The following NOL4L variants were observed in gnomAD, a reference collection of about 807,000 sequenced individuals.
NOL4L encodes nucleolar protein 4-like.
Under a neutral mutation model 64.5 loss-of-function variants are expected in NOL4L, and 7 were observed. The observed-to-expected ratio is 0.11, with a 90% CI of 0.06 to 0.20. NOL4L has a LOEUF of 0.20. Among genes scored for constraint, NOL4L ranks in the 10% least tolerant of loss-of-function variants. The pLI, the probability that NOL4L is intolerant of heterozygous loss-of-function variation, is 1.00. For missense variants in NOL4L, 680 were observed against 967.1 expected (o/e 0.70, Z 3.94); for synonymous variants, 413 against 401.0 (o/e 1.03, Z -0.36).
At chr20:32,483,273 A>G (rs1348236557) in intron 4 of NOL4L, 2 of 803,432 alleles carry the variant, frequency 2.5e-6, no homozygotes, top group African/African-American at 3.8e-5. Context: ...ACCGCAGCTC[A>G]ACGGCCGGCG....
chr20:32,558,825 C>A (rs1399973225), intron 1 of NOL4L, among the ~76,000 whole-genome samples: 1 of 152,272 alleles, frequency 6.6e-6, no homozygotes, highest in East Asian at 1.9e-4. Flanking sequence ...GTGTGATTTA[C>A]GTTTCGGAAG....
chr20:32,452,534 A>G, intron 9 of NOL4L, 97 bp from the exon 10 acceptor site: 1 of 1,124,828 alleles, frequency 8.9e-7, no homozygotes, highest in Non-Finnish European at 1.2e-6. Context: ...CGGCCCCAGG[A>G]CTCCTGGGAC....
At chr20:32,499,312 C>A (rs2016824496) in intron 4 of NOL4L, among the ~76,000 whole-genome samples, 1 of 152,210 alleles carries the variant, frequency 6.6e-6, no homozygotes, top group African/African-American at 2.4e-5. Flanking sequence ...TCTCAGTCCA[C>A]CTCTGTTTGT....
chr20:32,563,769 G>A (rs532973752), intron 1 of NOL4L, among the ~76,000 whole-genome samples: 377 of 152,286 alleles, frequency 2.5e-3, no homozygotes, highest in Non-Finnish European at 4.5e-3. Flanking sequence ...AAGCCATAGC[G>A]CTAGGACTTA....
chr20:32,496,323 CT>C (rs1200334824), intron 4 of NOL4L, among the ~76,000 whole-genome samples: 1 of 152,196 alleles, frequency 6.6e-6, no homozygotes, highest in Non-Finnish European at 1.5e-5. Flanking sequence ...CCTTCTTGCC[CT>C]GAGGCACAGT....
chr20:32,477,984 G>A (rs1205062778), intron 4 of NOL4L, among the ~76,000 whole-genome samples: 6 of 152,122 alleles, frequency 3.9e-5, no homozygotes, highest in African/African-American at 4.8e-5. Flanking sequence ...AGGCACCCAC[G>A]TCAGGCCTAG....
At chr20:32,583,573 C>T (rs1473780022) in intron 1 of NOL4L, among the ~76,000 whole-genome samples, 1 of 147,394 alleles carries the variant, frequency 6.8e-6, no homozygotes, top group Non-Finnish European at 1.5e-5. Flanking sequence ...CCGACCGGGC[C>T]GGGGGCGGAA....
intron 1 of NOL4L, among the ~76,000 whole-genome samples, chr20:32,538,889 C>T (rs2018605000): frequency 6.6e-6 from 1 of 152,222 alleles, no homozygotes; most frequent in South Asian, 2.1e-4. Context: ...TTCGTACCTT[C>T]TGACATACAC....
intron 1 of NOL4L, among the ~76,000 whole-genome samples, chr20:32,543,712 C>G (rs2018691748): frequency 6.6e-6 from 1 of 152,036 alleles, no homozygotes; most frequent in Admixed American, 6.5e-5. Context: ...ACCACTTGAA[C>G]CCAGGAGGTG....
At chr20:32,491,262 C>G (rs2016457835) in intron 4 of NOL4L, among the ~76,000 whole-genome samples, 1 of 152,072 alleles carries the variant, frequency 6.6e-6, no homozygotes, top group African/African-American at 2.4e-5. Flanking sequence ...GAAGGAAGTC[C>G]CCAGGGTGTG....
chr20:32,511,313 C>A, intron 4 of NOL4L, 34 bp downstream of exon 4: 1 of 1,418,338 alleles, frequency 7.1e-7, no homozygotes, highest in East Asian at 2.5e-5. Context: ...GTCAGGACGC[C>A]TCCAGGTGGG....
chr20:32,527,693 C>A, intron 2 of NOL4L, 65 bp downstream of exon 2: 4 of 1,485,230 alleles, frequency 2.7e-6, no homozygotes, highest in South Asian at 1.3e-5. Flanking sequence ...CCAACATGTG[C>A]GGAGCCCGTG....
At chr20:32,503,970 G>A (rs1600774943) in intron 4 of NOL4L, among the ~76,000 whole-genome samples, 1 of 151,990 alleles carries the variant, frequency 6.6e-6, no homozygotes, top group Non-Finnish European at 1.5e-5. Context: ...AGGCCCATCT[G>A]AGCTTTTTAT....
In NOL4L at chr20:32,453,451, C is replaced by T; in HGVS notation, c.1350G>A (p.Val450=). 2 of 1,614,126 alleles carry T rather than the reference C, an allele frequency of 1.2e-6. No individual in the cohort carries two copies. Among genetic ancestry groups the T allele is most frequent in the Non-Finnish European group, 1.7e-6 (2 of 1,180,020 alleles). The change falls in exon 8 of 11, where the codon GTG becomes GTA. Residue 450 remains valine (V), a synonymous_variant. Transcript: ENST00000621426. The surrounding 1 kb of genome is among the most constrained non-coding windows in gnomAD (Gnocchi z 5.6). ...TCTCCTTGGGCTGCTTGGAGATGGG[C>T]ACCATGCGGTCCAGGTTCTCGTCCA... ...LFVDENLDRM[V]PISKQPKEKI...
At chr20:32,557,004 C>A (rs1296175716) in intron 1 of NOL4L, among the ~76,000 whole-genome samples, 1 of 152,216 alleles carries the variant, frequency 6.6e-6, no homozygotes, top group South Asian at 2.1e-4. Context: ...TAAATCCAGC[C>A]ATGTGATTGT....
At chr20:32,545,558 C>G (rs1299485452) in intron 1 of NOL4L, among the ~76,000 whole-genome samples, 1 of 152,176 alleles carries the variant, frequency 6.6e-6, no homozygotes, top group African/African-American at 2.4e-5. Flanking sequence ...ACCCCCTTCC[C>G]CCGACCCGCC....
In NOL4L at chr20:32,551,378, A is replaced by AATC. The variant is rs58444321; in HGVS notation, c.322-23468_322-23466dup. Among the ~76,000 whole-genome samples the AATC allele has an allele frequency of 4.2e-3, 627 of 149,654 alleles. 3 individuals carry two copies. Among genetic ancestry groups the AATC allele is most frequent in the South Asian group, 7.3e-3 (34 of 4,672 alleles). On this transcript the variant is annotated intron_variant, in intron 1 of 10. Coordinates refer to ENST00000621426, the MANE Select transcript of NOL4L (RefSeq NM_001256798.2). ...ACGACAGCGTGAGACTCGGTCTCAA[A>AATC]ATCATCATCATCATCATCATCATCA...
intron 6 of NOL4L, among the ~76,000 whole-genome samples, chr20:32,455,914 G>T (rs1442582391): frequency 6.6e-6 from 1 of 152,138 alleles, no homozygotes; most frequent in Non-Finnish European, 1.5e-5. Flanking sequence ...GGAGAAGGGG[G>T]CCTGGCTTGG....
intron 4 of NOL4L, among the ~76,000 whole-genome samples, chr20:32,477,943 T>C (rs2015495582): frequency 6.6e-6 from 1 of 152,214 alleles, no homozygotes; most frequent in East Asian, 1.9e-4. Context: ...CTAATGGTTT[T>C]ATTAGATTTC....
Sources: allele counts gnomAD v4.1 joint callset (sites outside exome capture counted in the v4.1 genomes callset), GRCh38; gene constraint gnomAD v4.1.1; non-coding constraint Gnocchi (gnomAD v3.1); transcripts MANE v1.5; gene names NCBI Gene and HGNC (gene_info 2026-07-23, HGNC 2026-07-21).